The following PTPRG variants were observed in gnomAD, a reference collection of about 807,000 sequenced individuals.
PTPRG encodes the protein receptor-type tyrosine-protein phosphatase gamma.
Under a neutral mutation model 165.3 loss-of-function variants are expected in PTPRG, and 102 were observed. That is an observed-to-expected ratio of 0.62 (90% confidence interval 0.53 to 0.73). The LOEUF (loss-of-function observed/expected upper bound fraction) is 0.73. Ranked by LOEUF, PTPRG falls within the 30% of genes least tolerant of loss-of-function variation. The pLI, the probability that PTPRG is intolerant of heterozygous loss-of-function variation, is 0.00. For missense variants in PTPRG, 1,866 were observed against 1,861.4 expected (o/e 1.00, Z -0.05); for synonymous variants, 675 against 669.5 (o/e 1.01, Z -0.13).
chr3:61,926,522 G>A (rs1340324764), intron 2 of PTPRG, among the ~76,000 whole-genome samples: 1 of 148,972 alleles, frequency 6.7e-6, no homozygotes, highest in Non-Finnish European at 1.5e-5. Flanking sequence ...GCAGAACTGT[G>A]AGCCAATTAA....
At chr3:61,915,468 T>C (rs958021023) in intron 2 of PTPRG, among the ~76,000 whole-genome samples, 2 of 152,212 alleles carry the variant, frequency 1.3e-5, no homozygotes, top group African/African-American at 4.8e-5. Context: ...CTGATTAATG[T>C]AGCAAGAGAC....
At chr3:62,032,921 A>G (rs567403404) in intron 4 of PTPRG, among the ~76,000 whole-genome samples, 9 of 152,302 alleles carry the variant, frequency 5.9e-5, no homozygotes, top group Admixed American at 1.3e-4. Context: ...GCACAGGCTT[A>G]TCTATAAATG....
rs936949432 is a variant in PTPRG at position 62,222,687 on chromosome 3, A to G, written c.2288+3704A>G. On this transcript the variant is annotated intron_variant, in intron 13 of 29. Transcript: ENST00000474889. The surrounding 1 kb of genome is among the most constrained non-coding windows in gnomAD (Gnocchi z 4.5). ...ACCATCAAGACCTAAAAAAGTGAGT[A>G]GAAGGTTCAGCTAAGTATTCTGTTA... Among the ~76,000 whole-genome samples, 3 of 152,214 alleles carry G rather than the reference A, an allele frequency of 2.0e-5. No individual in the cohort carries two copies. The highest frequency in any genetic ancestry group is 4.4e-5 in the Non-Finnish European group (3 of 68,028).
intron 1 of PTPRG, among the ~76,000 whole-genome samples, chr3:61,745,112 G>A (rs1310972034): frequency 2.7e-5 from 4 of 146,108 alleles, no homozygotes; most frequent in East Asian, 4.0e-4. Context: ...GTGCAGTGGC[G>A]TGATCTCGGC....
In PTPRG at chr3:62,133,493, A is replaced by G. The variant is rs569190885; in HGVS notation, c.682+825A>G. Among the ~76,000 whole-genome samples the G allele has an allele frequency of 3.3e-5, 5 of 152,310 alleles. No individual in the cohort carries two copies. In the South Asian group the frequency reaches 8.3e-4, roughly 25 times the overall value. ...TTGTCTTTAGACATTAGCCAACTCC[A>G]TAGAGCTTAACAAACATCTTCCCCC... On this transcript the variant is annotated intron_variant, in intron 6 of 29. Coordinates refer to ENST00000474889, the MANE Select transcript of PTPRG (RefSeq NM_002841.4).
Position 61,917,089 on chromosome 3 carries a change from C to T in PTPRG, c.191-72536C>T, listed in dbSNP as rs910764869. ...CAGCTCTACTGGCTGATGGCAGATG[C>T]GTTTTGGGTCAAGGTGGCCGCCAAT... On this transcript the variant is annotated intron_variant, in intron 2 of 29. Coordinates refer to ENST00000474889, the MANE Select transcript of PTPRG (RefSeq NM_002841.4). 1.1e-4 allele frequency among the ~76,000 whole-genome samples: 17 copies of T among 152,036 alleles called. No individual in the cohort carries two copies. The East Asian group carries it at 1.2e-3, about 10-fold the overall frequency.
At chr3:61,825,090 A>G (rs1418132813) in intron 2 of PTPRG, among the ~76,000 whole-genome samples, 1 of 152,176 alleles carries the variant, frequency 6.6e-6, no homozygotes, top group African/African-American at 2.4e-5. Flanking sequence ...TTTCTCCTCT[A>G]GGGGTGATTT....
At chr3:62,235,215 A>G (rs562917100) in intron 14 of PTPRG, among the ~76,000 whole-genome samples, 2 of 152,298 alleles carry the variant, frequency 1.3e-5, no homozygotes, top group African/African-American at 4.8e-5. Context: ...ACCTTCCAAA[A>G]TCAGTGGGAT....
rs747474276 is a variant in PTPRG, at chr3:62,201,566, A to G, written c.1377+12A>G. ...TGAAAACAGGAGTGGTAAGTAGAGA[A>G]TGGGAAATTGCTTTGTCGTGGCTGG... On this transcript the variant is annotated intron_variant, in intron 11 of 29. Coordinates refer to ENST00000474889, the MANE Select transcript of PTPRG (RefSeq NM_002841.4). The G allele has an allele frequency of 2.5e-6, 4 of 1,608,758 alleles. No individual in the cohort carries two copies. The highest frequency in any genetic ancestry group is 3.4e-6 in the Non-Finnish European group (4 of 1,177,130).
At position 61,680,848 on chromosome 3, in the gene PTPRG, C is replaced by G. The variant is rs1233678891; in HGVS notation, c.86-68030C>G. ...TGTTTGGTGCCTGCTGTGTAACTTGCTGGGTGTTGGGAACCTGTATATGGC... is the reference window on the plus strand; with the variant it reads ...TGTTTGGTGCCTGCTGTGTAACTTGGTGGGTGTTGGGAACCTGTATATGGC... On this transcript the variant is annotated intron_variant, in intron 1 of 29. Transcript: ENST00000474889. Among the ~76,000 whole-genome samples, 2 of 115,272 alleles carry G rather than the reference C, an allele frequency of 1.7e-5. 1 individual carries two copies. Among genetic ancestry groups the G allele is most frequent in the Non-Finnish European group, 4.0e-5 (2 of 49,982 alleles). The allele number at this position is 115,272 out of a possible 152,430, so 75.6% of individuals were successfully genotyped here.
rs1553666990 is a variant in PTPRG, at chr3:61,782,787, G to GTGTTTTGTAT, written c.190+33813_190+33814insATTGTTTTGT. ...AATTGCTTGAGTCTGGATGAGTATC[G>GTGTTTTGTAT]TGTTTTGTTTTGTTTTGTTTTGTTT... On this transcript the variant is annotated intron_variant, in intron 2 of 29. Transcript: ENST00000474889. Among the ~76,000 whole-genome samples, 3 of 152,132 alleles carry GTGTTTTGTAT rather than the reference G, an allele frequency of 2.0e-5. No homozygotes were observed. The South Asian group carries it at 6.2e-4, about 32-fold the overall frequency.
intron 8 of PTPRG, among the ~76,000 whole-genome samples, chr3:62,189,949 T>C (rs1699766314): frequency 6.6e-6 from 1 of 151,994 alleles, no homozygotes; most frequent in Non-Finnish European, 1.5e-5. Flanking sequence ...CCTTTACAGC[T>C]CCCACCCCCT....
Position 61,887,141 on chromosome 3 carries a change from TATATATATATATATATATATATATA to T in PTPRG, c.191-102483_191-102459del, listed in dbSNP as rs2038065674. Among the ~76,000 whole-genome samples the T allele has an allele frequency of 9.1e-5, 5 of 54,710 alleles. 1 individual carries two copies. Among genetic ancestry groups the T allele is most frequent in the African/African-American group, 2.0e-4 (5 of 25,330 alleles). 35.9% of individuals were successfully genotyped at this position (54,710 alleles called of 152,430 possible). A position where few individuals can be genotyped will look rare whatever the true frequency, so the allele number is the denominator to read the frequency against. On this transcript the variant is annotated intron_variant, in intron 2 of 29. Coordinates refer to ENST00000474889, the MANE Select transcript of PTPRG (RefSeq NM_002841.4). ...TAGCATGCATATATATATATATATA[TATATATATATATATATATATATATA>T]TATATTTTTAATGCCATCATCAAAC... is the stretch of plus-strand genomic sequence containing the variant.
At chr3:61,765,857 G>C (rs1009760097) in intron 2 of PTPRG, among the ~76,000 whole-genome samples, 2 of 152,194 alleles carry the variant, frequency 1.3e-5, no homozygotes, top group Non-Finnish European at 2.9e-5. Flanking sequence ...ATGGTGGCCT[G>C]AATTTTCCAC....
At chr3:61,809,316 T>A (rs1000743625) in intron 2 of PTPRG, among the ~76,000 whole-genome samples, 2 of 152,054 alleles carry the variant, frequency 1.3e-5, no homozygotes, top group African/African-American at 4.8e-5. Flanking sequence ...AGATGCACTC[T>A]TTTTTCAGAG....
chr3:61,814,044 G>T (rs1025620985), intron 2 of PTPRG, among the ~76,000 whole-genome samples: 1 of 152,008 alleles, frequency 6.6e-6, no homozygotes, highest in Admixed American at 6.6e-5. Context: ...GGGACCACAG[G>T]CATGTGCCAC....
chr3:62,165,959 C>T (rs1704957207), intron 7 of PTPRG, among the ~76,000 whole-genome samples: 1 of 152,044 alleles, frequency 6.6e-6, no homozygotes, highest in Non-Finnish European at 1.5e-5. Context: ...AGAGTGATTT[C>T]CCTTTTTTAT....
intron 4 of PTPRG, among the ~76,000 whole-genome samples, chr3:62,065,471 C>T (rs1456751441): frequency 6.6e-6 from 1 of 152,200 alleles, no homozygotes; most frequent in African/African-American, 2.4e-5. Context: ...CTTTGGCAGT[C>T]TTTCAGGGGG....
intron 5 of PTPRG, among the ~76,000 whole-genome samples, chr3:62,103,819 G>A (rs909424695): frequency 1.3e-5 from 2 of 152,182 alleles, no homozygotes; most frequent in Non-Finnish European, 2.9e-5. Context: ...GAGTTGTTTC[G>A]TGGTCTCAAC....
Sources: allele counts gnomAD v4.1 joint callset (sites outside exome capture counted in the v4.1 genomes callset), GRCh38; gene constraint gnomAD v4.1.1; non-coding constraint Gnocchi (gnomAD v3.1); transcripts MANE v1.5; gene names NCBI Gene and HGNC (gene_info 2026-07-23, HGNC 2026-07-21).